Variants in TAF2 observed in about 807,000 individuals in gnomAD.
TAF2 encodes the protein transcription initiation factor TFIID subunit 2.
In TAF2, 61 loss-of-function variants were observed where a neutral mutation model predicts 138.5. The observed-to-expected ratio is 0.44, with a 90% CI of 0.36 to 0.54. The LOEUF (loss-of-function observed/expected upper bound fraction) is 0.54. Ranked by LOEUF, TAF2 falls within the 20% of genes least tolerant of loss-of-function variation. The pLI is 0.00. For missense variants in TAF2, 1,090 were observed against 1,427.9 expected (o/e 0.76, Z 3.81); for synonymous variants, 475 against 469.9 (o/e 1.01, Z -0.14).
In TAF2 at chr8:119,773,482, A is replaced by G. The variant is rs115088711; in HGVS notation, c.2364+4537T>C. 9.2e-3 allele frequency among the ~76,000 whole-genome samples: 1,397 copies of G among 151,722 alleles called. 23 individuals carry two copies. Among genetic ancestry groups the G allele is most frequent in the African/African-American group, 0.032 (1,332 of 41,566 alleles). On this transcript the variant is annotated intron_variant, in intron 18 of 25. Coordinates refer to ENST00000378164, the MANE Select transcript of TAF2 (RefSeq NM_003184.4). Reference sequence around the variant, plus strand: ...CTTAGACTTACAGAGGGTTAAATTTATATCTATATCCTCTTTGTACTTACA... The same window carrying G: ...CTTAGACTTACAGAGGGTTAAATTTGTATCTATATCCTCTTTGTACTTACA...
intron 18 of TAF2, among the ~76,000 whole-genome samples, chr8:119,768,285 T>C (rs1821582172): frequency 6.6e-6 from 1 of 152,214 alleles, no homozygotes; most frequent in Non-Finnish European, 1.5e-5. Context: ...ATTTACAGGC[T>C]CTGGGCTTGG....
chr8:119,816,245 G>C (rs931534084), intron 3 of TAF2, among the ~76,000 whole-genome samples: 3 of 151,126 alleles, frequency 2.0e-5, no homozygotes, highest in African/African-American at 7.3e-5. Flanking sequence ...TTTTAGTAGA[G>C]ATGGGGTTTC....
intron 18 of TAF2, 91 bp downstream of exon 18, chr8:119,777,928 A>G: frequency 1.4e-6 from 1 of 695,442 alleles, no homozygotes; most frequent in East Asian, 2.8e-5. Context: ...TTTATTTAGA[A>G]ACAAAATACC....
intron 18 of TAF2, among the ~76,000 whole-genome samples, chr8:119,769,545 T>G (rs2131087950): frequency 6.6e-6 from 1 of 151,862 alleles, no homozygotes; most frequent in East Asian, 1.9e-4. Context: ...CAAGAGAAAG[T>G]TGAAAAGCAA....
chr8:119,801,923 C>T lies in TAF2; in HGVS notation c.663G>A (p.Val221=), dbSNP rs1459077083. Residue 221 remains valine, a synonymous_variant, in exon 6 of 26, where the codon GTG becomes GTA. Transcript: ENST00000378164. The stretch of plus-strand genomic sequence containing the variant: ...TCATATCATGAGTATACACTGTCTC[C>T]ACCAAATCGCCATTAGAAACAGCAA... ...AMVAVSNGDL[V]ETVYTHDMRK... 2 of 1,614,110 alleles carry T rather than the reference C, an allele frequency of 1.2e-6. No individual in the cohort carries two copies. Among genetic ancestry groups the T allele is most frequent in the Admixed American group, 3.3e-5 (2 of 60,000 alleles).
chr8:119,821,440 G>C lies in TAF2; in HGVS notation c.139-1934C>G, dbSNP rs145257516. On this transcript the variant is annotated intron_variant, in intron 2 of 25. Transcript: ENST00000378164. ...TCTTGCCTTAAATGAAATGGTTCCT[G>C]AATCCTCCTAGACAAGAAGCTACTT... Among the ~76,000 whole-genome samples the C allele has an allele frequency of 3.8e-3, 571 of 152,240 alleles. 6 individuals carry two copies. The highest frequency in any genetic ancestry group is 0.013 in the African/African-American group (551 of 41,518).
chr8:119,800,556 A>G (rs1230040216), intron 6 of TAF2, among the ~76,000 whole-genome samples: 1 of 152,204 alleles, frequency 6.6e-6, no homozygotes. Context: ...GCCTTGTAGT[A>G]TAGTTTGAAG....
At chr8:119,747,201 TC>T (rs1820039285) in intron 22 of TAF2, among the ~76,000 whole-genome samples, 1 of 152,196 alleles carries the variant, frequency 6.6e-6, no homozygotes, top group Non-Finnish European at 1.5e-5. Context: ...CTGATTCTCT[TC>T]ATTAACAGCC....
At chr8:119,810,785 T>A (rs1454797966) in intron 3 of TAF2, among the ~76,000 whole-genome samples, 2 of 152,180 alleles carry the variant, frequency 1.3e-5, no homozygotes. Context: ...AATGCAAAAA[T>A]AAAATAACTA....
At chr8:119,761,800 CAA>C (rs577283547) in intron 19 of TAF2, 33 of 74,796 alleles carry the variant, frequency 4.4e-4, no homozygotes, top group Non-Finnish European at 5.0e-4. Context: ...AACTTGGTCT[CAA>C]AAAAAAAAAA....
At chr8:119,780,367 G>A (rs1338560290) in intron 17 of TAF2, among the ~76,000 whole-genome samples, 1 of 152,152 alleles carries the variant, frequency 6.6e-6, no homozygotes, top group African/African-American at 2.4e-5. Context: ...AGGTGCAGAA[G>A]GTTAAGAAAC....
intron 23 of TAF2, 22 bp from the exon 24 acceptor site, chr8:119,744,415 CA>C: frequency 1.9e-6 from 3 of 1,595,392 alleles, no homozygotes; most frequent in Non-Finnish European, 2.6e-6. Context: ...ACACATAAAA[CA>C]GAGGATAAAA....
intron 12 of TAF2, among the ~76,000 whole-genome samples, chr8:119,789,259 C>T (rs1352969416): frequency 6.6e-6 from 1 of 152,204 alleles, no homozygotes; most frequent in African/African-American, 2.4e-5. Flanking sequence ...AACTACCACA[C>T]CTCACAAGTA....
chr8:119,793,343 T>C (rs1432275490), intron 10 of TAF2, 23 bp downstream of exon 10: 5 of 1,571,300 alleles, frequency 3.2e-6, no homozygotes, highest in South Asian at 1.1e-5. Flanking sequence ...GTTTATAATA[T>C]CATCTCTGAA....
chr8:119,750,669 G>C (rs16893101), intron 22 of TAF2, among the ~76,000 whole-genome samples: 40,421 of 151,996 alleles, frequency 0.27, 6,762 homozygotes, highest in Admixed American at 0.45. Context: ...TAAGAAAGAA[G>C]GTATTAGGGA....
intron 3 of TAF2, among the ~76,000 whole-genome samples, chr8:119,811,805 CAAAAAAAAAA>C (rs771523182): frequency 5.0e-5 from 3 of 60,332 alleles, no homozygotes; most frequent in Admixed American, 1.9e-4. Flanking sequence ...GACTCCGTCT[CAAAAAAAAAA>C]AAAAAAAAAA....
At chr8:119,797,155 T>C (rs1314087524) in intron 7 of TAF2, 52 bp from the exon 8 acceptor site, 3 of 1,242,302 alleles carry the variant, frequency 2.4e-6, no homozygotes, top group East Asian at 2.4e-5. Flanking sequence ...TAAATACTTA[T>C]TCAGTGAAAA....
intron 14 of TAF2, among the ~76,000 whole-genome samples, chr8:119,786,586 G>A (rs1049921639): frequency 2.6e-5 from 4 of 152,014 alleles, no homozygotes; most frequent in Admixed American, 2.0e-4. Flanking sequence ...AGTAAAATGA[G>A]GAAAAAAAGA....
intron 2 of TAF2, among the ~76,000 whole-genome samples, chr8:119,826,705 C>T (rs1158515136): frequency 6.6e-6 from 1 of 152,104 alleles, no homozygotes; most frequent in Non-Finnish European, 1.5e-5. Flanking sequence ...ACTCTCCTGC[C>T]TCAGCCTCTT....
Sources: gnomAD v4.1 joint callset for allele counts (sites outside exome capture counted in the v4.1 genomes callset) on GRCh38, gnomAD v4.1.1 for gene constraint, MANE v1.5 for transcripts, NCBI Gene and HGNC (gene_info 2026-07-23, HGNC 2026-07-21) for gene names.